CTNND2: variants seen among roughly 807,000 people sequenced by gnomAD.
CTNND2 encodes catenin delta-2.
Under a neutral mutation model 144.4 loss-of-function variants are expected in CTNND2, and 22 were observed. That is an observed-to-expected ratio of 0.15 (90% CI 0.11 to 0.22). The LOEUF (loss-of-function observed/expected upper bound fraction) is 0.22, where lower values mean the gene tolerates loss of function less well. CTNND2 is among the 10% of genes least tolerant of loss of function. The probability of loss-of-function intolerance (pLI) is 1.00; values close to 1 mark genes in which losing one functional copy is unlikely to be tolerated. For synonymous variants in CTNND2, 751 were observed against 695.6 expected (o/e 1.08, Z -1.25); for missense variants, 1,353 against 1,618.8 (o/e 0.84, Z 2.82).
intron 2 of CTNND2, among the ~76,000 whole-genome samples, chr5:11,617,591 C>T (rs1232441221): frequency 6.6e-6 from 1 of 152,146 alleles, no homozygotes; most frequent in Non-Finnish European, 1.5e-5. Context: ...GAAGCACATT[C>T]ATACAAAAAT....
chr5:11,396,211 C>T (rs1000085347), intron 6 of CTNND2, among the ~76,000 whole-genome samples: 33 of 152,122 alleles, frequency 2.2e-4, no homozygotes, highest in Non-Finnish European at 4.9e-4. Flanking sequence ...GTTAGAAGGA[C>T]TTATGTTGCT....
chr5:11,768,408 G>C (rs1789721382), intron 1 of CTNND2, among the ~76,000 whole-genome samples: 1 of 152,166 alleles, frequency 6.6e-6, no homozygotes, highest in Non-Finnish European at 1.5e-5. Context: ...TCCTGCCTCA[G>C]CCTCCCCAGT....
intron 2 of CTNND2, among the ~76,000 whole-genome samples, chr5:11,675,653 A>C (rs1784137188): frequency 6.6e-6 from 1 of 152,130 alleles, no homozygotes; most frequent in South Asian, 2.1e-4. Context: ...TTTTTTTGGA[A>C]TGAAACACTT....
chr5:11,028,623 G>C (rs1743113301), intron 16 of CTNND2, among the ~76,000 whole-genome samples: 1 of 152,102 alleles, frequency 6.6e-6, no homozygotes, highest in Non-Finnish European at 1.5e-5. Flanking sequence ...CATCATAAAG[G>C]ATTTGTCTTT....
At chr5:11,144,790 C>T (rs1757086612) in intron 12 of CTNND2, among the ~76,000 whole-genome samples, 1 of 152,086 alleles carries the variant, frequency 6.6e-6, no homozygotes, top group African/African-American at 2.4e-5. Flanking sequence ...GTTCCTAGCT[C>T]CTGTTGGTGG....
chr5:11,191,252 G>A (rs533180954), intron 11 of CTNND2, among the ~76,000 whole-genome samples: 1 of 152,274 alleles, frequency 6.6e-6, no homozygotes, highest in South Asian at 2.1e-4. Context: ...GGATAGGGGA[G>A]CAAATCAATT....
chr5:11,894,008 C>T (rs765046313), intron 1 of CTNND2, among the ~76,000 whole-genome samples: 3 of 152,162 alleles, frequency 2.0e-5, no homozygotes, highest in South Asian at 2.1e-4. Context: ...TTTTGGGAAT[C>T]GAGAATAAAT....
At chr5:11,714,337 T>A (rs1169621911) in intron 2 of CTNND2, among the ~76,000 whole-genome samples, 1 of 152,198 alleles carries the variant, frequency 6.6e-6, no homozygotes, top group Non-Finnish European at 1.5e-5. Flanking sequence ...TCCATATTTT[T>A]CTTAAGATTA....
rs563967037 is a variant in CTNND2, at chr5:11,168,447, A to T, written c.1976-8688T>A. 3.0e-4 allele frequency among the ~76,000 whole-genome samples: 46 copies of T among 152,344 alleles called. No individual in the cohort carries two copies. The South Asian group carries it at 8.1e-3, about 27-fold the overall frequency. ...GGTTCATCTTTGATCACAGCATTTT[A>T]TAAATGAACCATAGAATTTCATATT... is the stretch of plus-strand genomic sequence containing the variant. On this transcript the variant is annotated intron_variant, in intron 11 of 21. Coordinates refer to ENST00000304623, the MANE Select transcript of CTNND2 (RefSeq NM_001332.4).
chr5:11,462,747 A>C (rs1360759750), intron 3 of CTNND2, among the ~76,000 whole-genome samples: 1 of 152,176 alleles, frequency 6.6e-6, no homozygotes, highest in African/African-American at 2.4e-5. Flanking sequence ...TGTTTTTAAT[A>C]ATTTTTAATA....
intron 9 of CTNND2, among the ~76,000 whole-genome samples, chr5:11,250,467 C>CTCTCTA (rs1363312738): frequency 5.2e-5 from 3 of 57,798 alleles, no homozygotes; most frequent in African/African-American, 2.1e-4. Flanking sequence ...CTCTCTCTCT[C>CTCTCTA]TCTCTCTCTC....
chr5:11,201,415 T>C (rs1737425611), intron 10 of CTNND2, among the ~76,000 whole-genome samples: 1 of 152,204 alleles, frequency 6.6e-6, no homozygotes, highest in Non-Finnish European at 1.5e-5. Flanking sequence ...CAAACACCTC[T>C]TTTGTGAACA....
chr5:11,824,308 A>C (rs1210319985), intron 1 of CTNND2, among the ~76,000 whole-genome samples: 1 of 152,142 alleles, frequency 6.6e-6, no homozygotes, highest in African/African-American at 2.4e-5. Flanking sequence ...AACAAGTGTA[A>C]AACACAACCC....
intron 12 of CTNND2, among the ~76,000 whole-genome samples, chr5:11,149,821 C>T (rs992612558): frequency 6.6e-6 from 1 of 152,146 alleles, no homozygotes; most frequent in African/African-American, 2.4e-5. Context: ...TCGGTTAAAC[C>T]TGTTGGAGGC....
At chr5:11,382,595 C>CTGTGTATATGTGTGTGTGTGTGTG (rs755324887) in intron 7 of CTNND2, among the ~76,000 whole-genome samples, 2 of 130,148 alleles carry the variant, frequency 1.5e-5, no homozygotes, top group African/African-American at 3.0e-5. Flanking sequence ...GAGTGAGACT[C>CTGTGTATATGTGTGTGTGTGTGTG]TGTGTGTGTG....
intron 1 of CTNND2, among the ~76,000 whole-genome samples, chr5:11,897,519 T>C (rs1386847109): frequency 3.9e-5 from 6 of 152,204 alleles, no homozygotes; most frequent in Non-Finnish European, 8.8e-5. Context: ...CACTTATATA[T>C]GGTTTGGGAA....
At chr5:11,119,830 T>TA (rs1218792504) in intron 12 of CTNND2, among the ~76,000 whole-genome samples, 1 of 152,198 alleles carries the variant, frequency 6.6e-6, no homozygotes, top group African/African-American at 2.4e-5. Context: ...CACCCTGATC[T>TA]GAAAAAAACC....
Position 11,879,339 on chromosome 5 carries a change from GTGTA to G in CTNND2, c.37+24474_37+24477del, listed in dbSNP as rs1213278440. ...TCAAGTGTATTAAAAAATTAAATGT[GTGTA>G]TATATATATATATACATATACACAC... On this transcript the variant is annotated intron_variant, in intron 1 of 21. Transcript: ENST00000304623. Among the ~76,000 whole-genome samples, 455 of 101,004 alleles carry G rather than the reference GTGTA, an allele frequency of 4.5e-3. 26 individuals are homozygous for G. Among genetic ancestry groups the G allele is most frequent in the African/African-American group, 0.014 (428 of 29,828 alleles). 66.3% of individuals were successfully genotyped at this position (101,004 alleles called of 152,430 possible). A position where few individuals can be genotyped will look rare whatever the true frequency, so the allele number is the denominator to read the frequency against.
At chr5:11,407,493 G>C (rs1305198714) in intron 5 of CTNND2, among the ~76,000 whole-genome samples, 1 of 152,202 alleles carries the variant, frequency 6.6e-6, no homozygotes, top group African/African-American at 2.4e-5. Context: ...AGGTCAAAAA[G>C]ATGCGTACTG....
Sources: allele counts gnomAD v4.1 joint callset (sites outside exome capture counted in the v4.1 genomes callset), GRCh38; gene constraint gnomAD v4.1.1; transcripts MANE v1.5; gene names NCBI Gene and HGNC (gene_info 2026-07-23, HGNC 2026-07-21).